The following SND1 variants were observed in gnomAD, a reference collection of about 807,000 sequenced individuals.
The protein encoded by SND1 is staphylococcal nuclease domain-containing protein 1.
SND1 carries 38 observed loss-of-function variants against 121.7 expected under a neutral mutation model. That is an observed-to-expected ratio of 0.31 (90% CI 0.24 to 0.41). SND1 has a LOEUF of 0.41. SND1 is among the 10% of genes least tolerant of loss of function. The pLI is 1.00. For synonymous variants in SND1, 401 were observed against 447.4 expected, an observed-to-expected ratio of 0.90 and a Z score of 1.31; for missense variants, 868 against 1,184.6, an observed-to-expected ratio of 0.73 and a Z score of 3.92.
chr7:127,885,529 C>T (rs997819321), intron 12 of SND1, among the ~76,000 whole-genome samples: 1 of 152,008 alleles, frequency 6.6e-6, no homozygotes, highest in African/African-American at 2.4e-5. Flanking sequence ...CTCAGGAACT[C>T]CATATGGCAG....
chr7:127,658,018 G>A (rs1207573768), intron 1 of SND1, among the ~76,000 whole-genome samples: 2 of 152,140 alleles, frequency 1.3e-5, no homozygotes, highest in East Asian at 3.9e-4. Flanking sequence ...TTGGAGGCTG[G>A]GCACAGTGGC....
intron 14 of SND1, among the ~76,000 whole-genome samples, chr7:127,914,280 A>G (rs1800521664): frequency 6.6e-6 from 1 of 151,990 alleles, no homozygotes; most frequent in South Asian, 2.1e-4. Flanking sequence ...CAGTTGACTG[A>G]CTCGGACTTC....
chr7:128,078,724 G>C (rs1793548669), intron 17 of SND1, among the ~76,000 whole-genome samples: 1 of 152,234 alleles, frequency 6.6e-6, no homozygotes, highest in African/African-American at 2.4e-5. Context: ...CTTTCATCCT[G>C]TGTGTTCCGA....
chr7:127,875,846 G>A (rs1799679122), intron 12 of SND1, among the ~76,000 whole-genome samples: 1 of 152,118 alleles, frequency 6.6e-6, no homozygotes, highest in Admixed American at 6.5e-5. Context: ...GTTGGACAAG[G>A]TCATTGGCAA....
chr7:128,008,547 C>T (rs1323785331), intron 16 of SND1, among the ~76,000 whole-genome samples: 2 of 151,630 alleles, frequency 1.3e-5, no homozygotes, highest in Middle Eastern at 3.4e-3. Context: ...TGCCCATCCA[C>T]GATTGCCCTC....
chr7:127,920,022 T>TA (rs1800665812), intron 14 of SND1, among the ~76,000 whole-genome samples: 1 of 152,212 alleles, frequency 6.6e-6, no homozygotes, highest in Non-Finnish European at 1.5e-5. Context: ...TTTGAGTAGA[T>TA]ACAATTAAGT....
chr7:127,988,758 A>C (rs902295933), intron 15 of SND1, among the ~76,000 whole-genome samples: 4 of 152,166 alleles, frequency 2.6e-5, no homozygotes, highest in African/African-American at 9.7e-5. Context: ...CCTGCTGCCC[A>C]GTGCAGTACC....
intron 15 of SND1, among the ~76,000 whole-genome samples, chr7:127,960,586 A>G (rs1338374323): frequency 1.3e-5 from 2 of 152,208 alleles, no homozygotes; most frequent in African/African-American, 4.8e-5. Context: ...ATAAAGTGCA[A>G]TCAGCCTGGT....
intron 1 of SND1, among the ~76,000 whole-genome samples, chr7:127,665,231 G>A (rs1795392462): frequency 6.6e-6 from 1 of 151,160 alleles, no homozygotes; most frequent in South Asian, 2.1e-4. Context: ...CTGTCGCCCA[G>A]GCTGCAGTGC....
chr7:128,020,541 T>A (rs1319601740), intron 16 of SND1, among the ~76,000 whole-genome samples: 1 of 152,250 alleles, frequency 6.6e-6, no homozygotes, highest in Non-Finnish European at 1.5e-5. Context: ...CTAGATTTTC[T>A]GAATTAACTT....
intron 11 of SND1, among the ~76,000 whole-genome samples, chr7:127,817,347 A>G (rs544158966): frequency 4.1e-4 from 62 of 152,298 alleles, no homozygotes; most frequent in South Asian, 8.3e-4. Context: ...GCTTCCAGTC[A>G]TAACCCTGAC....
At chr7:128,091,814 C>T (rs1361421945) in intron 22 of SND1, 23 bp from the exon 23 acceptor site, 1 of 1,613,910 alleles carries the variant, frequency 6.2e-7, no homozygotes, top group Non-Finnish European at 8.5e-7. Flanking sequence ...CTGACCACTC[C>T]CTTTCTTCTC....
intron 1 of SND1, among the ~76,000 whole-genome samples, chr7:127,662,454 C>A (rs1282377644): frequency 6.6e-6 from 1 of 152,130 alleles, no homozygotes; most frequent in Non-Finnish European, 1.5e-5. Flanking sequence ...CACTATTGCA[C>A]TGATTGAACT....
chr7:127,970,876 T>A (rs1225885687), intron 15 of SND1, among the ~76,000 whole-genome samples: 1 of 151,998 alleles, frequency 6.6e-6, no homozygotes, highest in Non-Finnish European at 1.5e-5. Context: ...TTGGGAGGCC[T>A]GGGTGAGAGG....
chr7:128,073,051 G>A (rs1418808887), intron 16 of SND1, among the ~76,000 whole-genome samples: 5 of 152,192 alleles, frequency 3.3e-5, no homozygotes, highest in Admixed American at 6.5e-5. Flanking sequence ...ATGGTGGAGG[G>A]GGCAGAGGTA....
At chr7:128,055,740 C>T (rs142282379) in intron 16 of SND1, among the ~76,000 whole-genome samples, 68 of 152,270 alleles carry the variant, frequency 4.5e-4, no homozygotes, top group African/African-American at 1.5e-3. Flanking sequence ...CATCACTCCT[C>T]GGCCCAAGAG....
chr7:127,886,361 C>T (rs1038016495), intron 12 of SND1, among the ~76,000 whole-genome samples: 2 of 151,442 alleles, frequency 1.3e-5, no homozygotes, highest in Non-Finnish European at 2.9e-5. Context: ...CCTTAAATTG[C>T]GTAAACATGC....
intron 3 of SND1, 91 bp from the exon 4 acceptor site, chr7:127,698,784 G>T: frequency 2.1e-6 from 2 of 932,062 alleles, no homozygotes; most frequent in South Asian, 2.7e-5. Flanking sequence ...TCTCCTTGAG[G>T]AGCTAAGTGT....
chr7:127,930,625 A>C (rs1453439019), intron 15 of SND1, among the ~76,000 whole-genome samples: 1 of 152,186 alleles, frequency 6.6e-6, no homozygotes, highest in African/African-American at 2.4e-5. Context: ...AAAAAAATTC[A>C]TACCTTATTG....
Sources: gnomAD v4.1 joint callset for allele counts (sites outside exome capture counted in the v4.1 genomes callset) on GRCh38, gnomAD v4.1.1 for gene constraint, MANE v1.5 for transcripts, NCBI Gene and HGNC (gene_info 2026-07-23, HGNC 2026-07-21) for gene names.